Variants in PDE1C observed in about 807,000 individuals in gnomAD.
The protein encoded by PDE1C is phosphodiesterase 1C.
A neutral mutation model predicts 93.1 loss-of-function variants in PDE1C; 62 were observed. That is an observed-to-expected ratio of 0.67 (90% confidence interval 0.54 to 0.82). The LOEUF (loss-of-function observed/expected upper bound fraction) is 0.82. PDE1C is among the 40% of genes least tolerant of loss of function. The pLI, the probability that PDE1C is intolerant of heterozygous loss-of-function variation, is 0.00. For missense variants in PDE1C, 742 were observed against 884.6 expected (o/e 0.84, Z 2.04); for synonymous variants, 325 against 310.1 (o/e 1.05, Z -0.50).
intron 3 of PDE1C, among the ~76,000 whole-genome samples, chr7:32,133,823 T>C (rs988437804): frequency 6.6e-6 from 1 of 152,024 alleles, no homozygotes; most frequent in Admixed American, 6.6e-5. Flanking sequence ...CCAAATATCA[T>C]AATTACCAGA....
At chr7:32,350,189 G>T (rs1252532611) in intron 1 of PDE1C, among the ~76,000 whole-genome samples, 1 of 151,752 alleles carries the variant, frequency 6.6e-6, no homozygotes, top group Non-Finnish European at 1.5e-5. Context: ...ATAATGAGCC[G>T]CCATTTAGCT....
intron 1 of PDE1C, among the ~76,000 whole-genome samples, chr7:32,244,849 G>A (rs1325161520): frequency 6.6e-6 from 1 of 152,212 alleles, no homozygotes; most frequent in East Asian, 1.9e-4. Flanking sequence ...GGCTCAGAGG[G>A]TGTCATGAGC....
At chr7:31,662,848 C>A in the PDE1C span, among the ~76,000 whole-genome samples, 1 of 152,150 alleles carries the variant, frequency 6.6e-6, no homozygotes, top group African/African-American at 2.4e-5. Flanking sequence ...TAGGTGATTT[C>A]TTTTCTCTAA....
At chr7:31,668,056 T>C in the PDE1C span, among the ~76,000 whole-genome samples, 1 of 152,172 alleles carries the variant, frequency 6.6e-6, no homozygotes, top group African/African-American at 2.4e-5. Flanking sequence ...AACTGGACTA[T>C]GTATTATCCC....
chr7:32,231,608 T>C (rs908079435), intron 1 of PDE1C, among the ~76,000 whole-genome samples: 6 of 152,090 alleles, frequency 3.9e-5, no homozygotes, highest in African/African-American at 1.4e-4. Context: ...ACATTCAAGG[T>C]ACAGATCAAT....
chr7:32,106,304 A>G (rs886937527), intron 3 of PDE1C, among the ~76,000 whole-genome samples: 1 of 152,154 alleles, frequency 6.6e-6, no homozygotes, highest in Non-Finnish European at 1.5e-5. Flanking sequence ...TCAGCCTCCT[A>G]AAGTACTGGG....
intron 16 of PDE1C, among the ~76,000 whole-genome samples, chr7:31,778,772 G>A (rs1783187205): frequency 6.6e-6 from 1 of 152,134 alleles, no homozygotes; most frequent in Admixed American, 6.5e-5. Flanking sequence ...TGTTGTTTCT[G>A]ATTTTAACAT....
rs375683661 is a variant in PDE1C at position 31,754,977 on chromosome 7, A to G, written c.1961-1424T>C. Among the ~76,000 whole-genome samples, 4 of 152,382 alleles carry G rather than the reference A, an allele frequency of 2.6e-5. No individual in the cohort carries two copies. In the East Asian group the frequency reaches 7.7e-4, roughly 29 times the overall value. On this transcript the variant is annotated intron_variant, in intron 17 of 17. Coordinates refer to ENST00000396191, the MANE Select transcript of PDE1C (RefSeq NM_001191057.4). ...TGTAAATGCATTGCCAATGTAGGAAACAACCTCACTGAAGAGTGGGGGACA... is the reference window on the plus strand; with the variant it reads ...TGTAAATGCATTGCCAATGTAGGAAGCAACCTCACTGAAGAGTGGGGGACA...
chr7:32,167,505 G>A (rs1303687703), intron 3 of PDE1C, among the ~76,000 whole-genome samples: 1 of 152,080 alleles, frequency 6.6e-6, no homozygotes, highest in Non-Finnish European at 1.5e-5. Flanking sequence ...TTTCACTGAG[G>A]TCAGAAAGTA....
intron 1 of PDE1C, among the ~76,000 whole-genome samples, chr7:32,061,279 C>T (rs1432485831): frequency 6.6e-6 from 1 of 152,218 alleles, no homozygotes; most frequent in Non-Finnish European, 1.5e-5. Flanking sequence ...ATATTGAATA[C>T]CGGGTCCTTG....
chr7:31,977,269 C>T (rs1188190037), intron 2 of PDE1C, among the ~76,000 whole-genome samples: 1 of 152,148 alleles, frequency 6.6e-6, no homozygotes, highest in Non-Finnish European at 1.5e-5. Context: ...GACATGCCCT[C>T]TCAGCATTTG....
chr7:32,105,821 T>C (rs757501439), intron 3 of PDE1C, among the ~76,000 whole-genome samples: 7 of 151,776 alleles, frequency 4.6e-5, no homozygotes, highest in Non-Finnish European at 8.8e-5. Flanking sequence ...CCACCACACC[T>C]GGTCTGGAAA....
intron 9 of PDE1C, among the ~76,000 whole-genome samples, chr7:31,846,233 CTTTTTTT>C (rs371624212): frequency 7.7e-6 from 1 of 129,964 alleles, no homozygotes. Flanking sequence ...CTTTTTTTTT[CTTTTTTT>C]TTTTTTTTTG....
At chr7:32,407,696 G>T (rs1785083846) in intron 1 of PDE1C, among the ~76,000 whole-genome samples, 1 of 152,188 alleles carries the variant, frequency 6.6e-6, no homozygotes, top group Non-Finnish European at 1.5e-5. Flanking sequence ...TCAGCTGAGG[G>T]TGGCTTGATT....
the PDE1C span, among the ~76,000 whole-genome samples, chr7:31,668,078 T>A: frequency 6.6e-6 from 1 of 152,096 alleles, no homozygotes; most frequent in Non-Finnish European, 1.5e-5. Context: ...GCTCAGTAAA[T>A]CTACATTTTA....
At chr7:32,297,993 CT>C (rs1812706542) in intron 1 of PDE1C, among the ~76,000 whole-genome samples, 7 of 39,824 alleles carry the variant, frequency 1.8e-4, no homozygotes, top group African/African-American at 6.4e-4. Context: ...CTCTCTCTCT[CT>C]CTCCTCTCTC....
intron 3 of PDE1C, among the ~76,000 whole-genome samples, chr7:32,112,389 T>C (rs894497874): frequency 2.6e-5 from 4 of 152,176 alleles, no homozygotes; most frequent in African/African-American, 7.2e-5. Context: ...ATTTTGCCAA[T>C]GGCTGCAACA....
intron 16 of PDE1C, among the ~76,000 whole-genome samples, chr7:31,777,322 C>T (rs894762479): frequency 6.6e-6 from 1 of 151,824 alleles, no homozygotes; most frequent in African/African-American, 2.4e-5. Flanking sequence ...GATATCGTTC[C>T]ATTTTATTTT....
intron 2 of PDE1C, among the ~76,000 whole-genome samples, chr7:32,024,478 T>C (rs1193239291): frequency 6.6e-6 from 1 of 151,210 alleles, no homozygotes; most frequent in Non-Finnish European, 1.5e-5. Flanking sequence ...TTCATTCTCT[T>C]CCAATAAGCA....
Sources: gnomAD v4.1 joint callset for allele counts (sites outside exome capture counted in the v4.1 genomes callset) on GRCh38, gnomAD v4.1.1 for gene constraint, MANE v1.5 for transcripts, NCBI Gene and HGNC (gene_info 2026-07-23, HGNC 2026-07-21) for gene names.